The following TTC7B variants were observed in gnomAD, a reference collection of about 807,000 sequenced individuals.
TTC7B encodes the protein tetratricopeptide repeat domain 7B, also known as tetratricopeptide repeat protein 7B.
In TTC7B, 28 loss-of-function variants were observed where a neutral mutation model predicts 106.8. The observed-to-expected ratio is 0.26, with a 90% CI of 0.19 to 0.36. The LOEUF (loss-of-function observed/expected upper bound fraction) is 0.36. TTC7B is among the 10% of genes least tolerant of loss of function. The pLI is 1.00. For missense variants in TTC7B, 862 were observed against 1,076.4 expected, an observed-to-expected ratio of 0.80 and a Z score of 2.79; for synonymous variants, 405 against 430.6, an observed-to-expected ratio of 0.94 and a Z score of 0.74.
At chr14:90,765,175 C>G (rs1488708756) in intron 3 of TTC7B, among the ~76,000 whole-genome samples, 1 of 152,084 alleles carries the variant, frequency 6.6e-6, no homozygotes, top group East Asian at 1.9e-4. Context: ...ACCTTTAAAA[C>G]TTTATGCTAA....
rs145018471 is a variant in TTC7B at position 90,624,572 on chromosome 14, C to T, written c.1752-6527G>A. 0.015 allele frequency among the ~76,000 whole-genome samples: 2,219 copies of T among 152,230 alleles called. 27 individuals carry two copies. Among genetic ancestry groups the T allele is most frequent in the Non-Finnish European group, 0.023 (1,597 of 68,018 alleles). ...GTGAGTCCCAGACTTGGGCAGGGGCCAAAGATAGAGTGAAAAGGGCAGATA... is the reference window on the plus strand; with the variant it reads ...GTGAGTCCCAGACTTGGGCAGGGGCTAAAGATAGAGTGAAAAGGGCAGATA... On this transcript the variant is annotated intron_variant, in intron 15 of 19. Transcript: ENST00000328459. This position sits in a 1 kb window ranked among gnomAD's most constrained non-coding sequence, Gnocchi z 4.0.
At chr14:90,567,220 T>C (rs1354662869) in intron 19 of TTC7B, among the ~76,000 whole-genome samples, 1 of 152,194 alleles carries the variant, frequency 6.6e-6, no homozygotes, top group African/African-American at 2.4e-5. Context: ...CTTGGCAACA[T>C]GAGTGCCAAA....
At position 90,533,927 on chromosome 14, in the gene TTC7B, GT is replaced by G. The variant is rs1427409155; in HGVS notation, c.*7440del. Reference sequence around the variant, plus strand: ...CCTGGCCCTGAGGCCCTGTGTGGTGGTCCTGAGGGGCGGTAGCCCTCGTGTC... The same window carrying G: ...CCTGGCCCTGAGGCCCTGTGTGGTGGCCTGAGGGGCGGTAGCCCTCGTGTC... On this transcript the variant is annotated 3_prime_UTR_variant, in exon 20 of 20. Coordinates refer to ENST00000328459, the MANE Select transcript of TTC7B (RefSeq NM_001010854.2). 1.3e-5 allele frequency: 2 copies of G among 152,408 alleles called. No homozygotes were observed. Among genetic ancestry groups the G allele is most frequent in the African/African-American group, 2.4e-5 (1 of 41,484 alleles). 9.4% of individuals were successfully genotyped at this position (152,408 alleles called of 1,614,324 possible).
rs2030174633 is a variant in TTC7B, at chr14:90,800,263, C to T, written c.122-13935G>A. Among the ~76,000 whole-genome samples, 5 of 151,974 alleles carry T rather than the reference C, an allele frequency of 3.3e-5. No individual in the cohort carries two copies. The South Asian group carries it at 1.0e-3, about 32-fold the overall frequency. ...AGACGTGATGGTGACTTGGGCAGGA[C>T]GAGGTGAGAAATATGCAGAAAGAGA... On this transcript the variant is annotated intron_variant, in intron 1 of 19. Coordinates refer to ENST00000328459, the MANE Select transcript of TTC7B (RefSeq NM_001010854.2).
At chr14:90,740,323 G>T (rs747935812) in intron 4 of TTC7B, among the ~76,000 whole-genome samples, 1 of 151,908 alleles carries the variant, frequency 6.6e-6, no homozygotes, top group Non-Finnish European at 1.5e-5. Context: ...AATGAGCACC[G>T]CCCCGGAAGC....
rs901903774 is a variant in TTC7B, at chr14:90,533,611, C to A, written c.*7757G>T. The A allele has an allele frequency of 6.6e-6, 1 of 152,448 alleles. No homozygotes were observed. Among genetic ancestry groups the A allele is most frequent in the Non-Finnish European group, 1.5e-5 (1 of 68,204 alleles). 9.4% of individuals were successfully genotyped at this position (152,448 alleles called of 1,614,324 possible). A position where few individuals can be genotyped will look rare whatever the true frequency, so the allele number is the denominator to read the frequency against. ...ACCATAGAGATGAGGAGACAGAGTGCTTCCCCATCAGAGGTGACACGGCCA... is the reference window on the plus strand; with the variant it reads ...ACCATAGAGATGAGGAGACAGAGTGATTCCCCATCAGAGGTGACACGGCCA... On this transcript the variant is annotated 3_prime_UTR_variant, in exon 20 of 20. Transcript: ENST00000328459.
intron 5 of TTC7B, among the ~76,000 whole-genome samples, chr14:90,710,652 C>T (rs1222117818): frequency 6.6e-6 from 1 of 152,180 alleles, no homozygotes; most frequent in Non-Finnish European, 1.5e-5. Flanking sequence ...AACCACCACC[C>T]CATCAGTCAG....
intron 9 of TTC7B, 197 bp downstream of exon 9, chr14:90,676,326 A>T: frequency 2.1e-6 from 1 of 478,106 alleles, no homozygotes; most frequent in Non-Finnish European, 3.7e-6. Flanking sequence ...GTAAAAGACT[A>T]GATCAATTCC....
rs117858633 is a variant in TTC7B at position 90,807,168 on chromosome 14, G to A, written c.121+9007C>T. On this transcript the variant is annotated intron_variant, in intron 1 of 19. Coordinates refer to ENST00000328459, the MANE Select transcript of TTC7B (RefSeq NM_001010854.2). This position sits in a 1 kb window ranked among gnomAD's most constrained non-coding sequence, Gnocchi z 4.1. ...ACCAGAAAAGTCTCAGGCCAACCAG[G>A]ACGAGTTGGTCACCCTCACGCCACC... Among the ~76,000 whole-genome samples, 612 of 152,224 alleles carry A rather than the reference G, an allele frequency of 4.0e-3. 8 individuals carry two copies. In the East Asian group the frequency reaches 0.052, roughly 13 times the overall value.
At chr14:90,806,990 C>A (rs1354884366) in intron 1 of TTC7B, among the ~76,000 whole-genome samples, 1 of 152,170 alleles carries the variant, frequency 6.6e-6, no homozygotes, top group Non-Finnish European at 1.5e-5. Context: ...GAACCGAGAT[C>A]TGAACCCAGG....
rs1889108368 is a variant in TTC7B at position 90,524,818 on chromosome 14, G to C, written c.*16550C>G. The C allele has an allele frequency of 6.6e-6, 1 of 152,080 alleles. No homozygotes were observed. The highest frequency in any genetic ancestry group is 1.5e-5 in the Non-Finnish European group (1 of 68,010). The allele number at this position is 152,080 out of a possible 1,614,324, so 9.4% of individuals were successfully genotyped here. On this transcript the variant is annotated 3_prime_UTR_variant, in exon 20 of 20. Coordinates refer to ENST00000328459, the MANE Select transcript of TTC7B (RefSeq NM_001010854.2). ...CTCTCAGGTGGTGCAAGGCACACGG[G>C]GATCCCCCACATTGCAGGTGGGGAG... is the stretch of plus-strand genomic sequence containing the variant.
chr14:90,731,811 C>T (rs1347115382), intron 4 of TTC7B, among the ~76,000 whole-genome samples: 1 of 152,216 alleles, frequency 6.6e-6, no homozygotes, highest in Admixed American at 6.5e-5. Flanking sequence ...ATGCTGCCAA[C>T]GCCCAAGTTT....
At chr14:90,811,637 T>C (rs2030905244) in intron 1 of TTC7B, among the ~76,000 whole-genome samples, 1 of 152,174 alleles carries the variant, frequency 6.6e-6, no homozygotes, top group Admixed American at 6.5e-5. Context: ...CTGAAAACAT[T>C]TGCTTACCAA....
intron 18 of TTC7B, among the ~76,000 whole-genome samples, chr14:90,580,745 C>T (rs1218990412): frequency 6.6e-6 from 1 of 152,228 alleles, no homozygotes; most frequent in Non-Finnish European, 1.5e-5. Flanking sequence ...GCTCTCTGAC[C>T]ACCCGCCTCA....
intron 4 of TTC7B, among the ~76,000 whole-genome samples, chr14:90,740,494 CTTTTTTTT>C (rs71461924): frequency 2.6e-5 from 2 of 78,314 alleles, no homozygotes; most frequent in African/African-American, 9.7e-5. Context: ...AATTCTTTGA[CTTTTTTTT>C]TTTTTTTTTT....
chr14:90,645,804 G>A (rs1052668799), intron 14 of TTC7B, among the ~76,000 whole-genome samples: 1 of 152,228 alleles, frequency 6.6e-6, no homozygotes, highest in Non-Finnish European at 1.5e-5. Context: ...GTATTCCTGA[G>A]TGCTGAACAC....
rs377042493 is a variant in TTC7B, at chr14:90,578,075, G to C, written c.2310+31C>G. 3 of 1,579,490 alleles carry C rather than the reference G, an allele frequency of 1.9e-6. No individual in the cohort carries two copies. Among genetic ancestry groups the C allele is most frequent in the South Asian group, 1.2e-5 (1 of 86,886 alleles). On this transcript the variant is annotated intron_variant, in intron 19 of 19. Coordinates refer to ENST00000328459, the MANE Select transcript of TTC7B (RefSeq NM_001010854.2). This position sits in a 1 kb window ranked among gnomAD's most constrained non-coding sequence, Gnocchi z 4.7. The stretch of plus-strand genomic sequence containing the variant: ...TTCCAAGGGCTGTCCCCATGCCAGA[G>C]TAGGGGCCACCGCCGGGCTCGTGGA...
At chr14:90,791,851 G>A (rs551609042) in intron 1 of TTC7B, among the ~76,000 whole-genome samples, 2 of 152,202 alleles carry the variant, frequency 1.3e-5, no homozygotes, top group South Asian at 4.2e-4. Context: ...GACTGCTTAT[G>A]TGAGAGTGAA....
Position 90,645,974 on chromosome 14 carries a change from C to T in TTC7B, c.1590+977G>A, listed in dbSNP as rs143522199. On this transcript the variant is annotated intron_variant, in intron 14 of 19. Coordinates refer to ENST00000328459, the MANE Select transcript of TTC7B (RefSeq NM_001010854.2). ...CAGGAGCAAGGCTTCATGGAGGAGG[C>T]GAGAGAAGCTGTCAGCGTAGGGGAG... 4.8e-3 allele frequency among the ~76,000 whole-genome samples: 737 copies of T among 152,206 alleles called. 6 individuals carry two copies. The highest frequency in any genetic ancestry group is 0.016 in the African/African-American group (655 of 41,496).
Sources: allele counts gnomAD v4.1 joint callset (sites outside exome capture counted in the v4.1 genomes callset), GRCh38; gene constraint gnomAD v4.1.1; non-coding constraint Gnocchi (gnomAD v3.1); transcripts MANE v1.5; gene names NCBI Gene and HGNC (gene_info 2026-07-23, HGNC 2026-07-21).